The following LINGO2 variants were observed in gnomAD, a reference collection of about 807,000 sequenced individuals.
LINGO2 encodes the protein leucine rich repeat and Ig domain containing 2.
LINGO2 carries 14 observed loss-of-function variants against 30.6 expected under a neutral mutation model. The observed-to-expected ratio is 0.46, with a 90% CI of 0.30 to 0.72. The LOEUF (loss-of-function observed/expected upper bound fraction) is 0.72, where lower values mean the gene tolerates loss of function less well. Ranked by LOEUF, LINGO2 falls within the 30% of genes least tolerant of loss-of-function variation. The pLI is 0.07. For synonymous variants in LINGO2, 317 were observed against 288.5 expected (o/e 1.10, Z -1.00); for missense variants, 729 against 751.7 (o/e 0.97, Z 0.35).
intron 4 of LINGO2, among the ~76,000 whole-genome samples, chr9:28,069,088 T>C (rs149751584): frequency 6.6e-6 from 1 of 152,206 alleles, no homozygotes; most frequent in East Asian, 1.9e-4. Flanking sequence ...TGCTATAGGA[T>C]TTCAAAGGAC....
chr9:28,573,227 A>C lies in LINGO2; in HGVS notation c.-365+96973T>G, dbSNP rs549645272. ...ACATAAGTAAAGAGAAGGTTTCAGC[A>C]ATTATTTAATACACTTATCCGGTTC... On this transcript the variant is annotated intron_variant, in intron 1 of 5. Coordinates refer to ENST00000379992, the Ensembl canonical transcript of LINGO2. Among the ~76,000 whole-genome samples, 23 of 152,300 alleles carry C rather than the reference A, an allele frequency of 1.5e-4. No homozygotes were observed. In the South Asian group the frequency reaches 4.1e-3, roughly 27 times the overall value.
At chr9:28,178,320 C>T (rs566115406) in intron 4 of LINGO2, among the ~76,000 whole-genome samples, 2 of 152,256 alleles carry the variant, frequency 1.3e-5, no homozygotes, top group East Asian at 1.9e-4. Context: ...GAAGAGGAAG[C>T]TTGAAACCGT....
chr9:29,185,485 T>C, the LINGO2 span, among the ~76,000 whole-genome samples: 1 of 152,160 alleles, frequency 6.6e-6, no homozygotes, highest in Admixed American at 6.5e-5. Flanking sequence ...CACAACCCCA[T>C]GGGATAGGAA....
chr9:28,087,757 T>C (rs766206471), intron 4 of LINGO2, among the ~76,000 whole-genome samples: 8 of 152,042 alleles, frequency 5.3e-5, no homozygotes, highest in Non-Finnish European at 1.0e-4. Context: ...GACAATCTTA[T>C]GGGAATTAGC....
In LINGO2 at chr9:28,310,074, C is replaced by T. The variant is rs1406784902; in HGVS notation, c.-245-14708G>A. On this transcript the variant is annotated intron_variant, in intron 3 of 5. Transcript: ENST00000379992. ...CTGGTAGGAGTGTAATATGACACAA[C>T]CATTTTGAAGAGTAGTTTGATGTTC... Among the ~76,000 whole-genome samples, 6 of 152,134 alleles carry T rather than the reference C, an allele frequency of 3.9e-5. No individual in the cohort carries two copies. In the East Asian group the frequency reaches 1.2e-3, roughly 29 times the overall value.
the LINGO2 span, among the ~76,000 whole-genome samples, chr9:29,049,156 G>A: frequency 6.6e-6 from 1 of 152,170 alleles, no homozygotes; most frequent in Admixed American, 6.5e-5. Flanking sequence ...ATAGGCAACA[G>A]ATTTGAATAC....
chr9:28,081,515 G>A (rs148025279), intron 4 of LINGO2, among the ~76,000 whole-genome samples: 1 of 152,108 alleles, frequency 6.6e-6, no homozygotes, highest in Non-Finnish European at 1.5e-5. Context: ...ATTAAAAGAA[G>A]AAAGGTATTT....
At chr9:28,342,407 A>C (rs551683200) in intron 3 of LINGO2, among the ~76,000 whole-genome samples, 4 of 152,108 alleles carry the variant, frequency 2.6e-5, no homozygotes, top group African/African-American at 9.6e-5. Context: ...CCCTATGTCC[A>C]CCCGCAATTA....
chr9:28,277,221 A>T (rs548397781), intron 4 of LINGO2, among the ~76,000 whole-genome samples: 1 of 152,220 alleles, frequency 6.6e-6, no homozygotes, highest in East Asian at 1.9e-4. Context: ...AAATATTTTC[A>T]TTGTTAATAT....
chr9:28,019,736 T>G (rs948824509), intron 4 of LINGO2, among the ~76,000 whole-genome samples: 6 of 152,166 alleles, frequency 3.9e-5, no homozygotes, highest in African/African-American at 1.4e-4. Flanking sequence ...CAATATTTTT[T>G]CTAAAAATAA....
chr9:28,085,044 T>C (rs1303922805), intron 4 of LINGO2, among the ~76,000 whole-genome samples: 1 of 152,122 alleles, frequency 6.6e-6, no homozygotes, highest in African/African-American at 2.4e-5. Context: ...TGTGGACCAA[T>C]GAAGCATTAT....
intron 3 of LINGO2, among the ~76,000 whole-genome samples, chr9:28,308,043 C>T (rs1697442661): frequency 6.7e-6 from 1 of 150,036 alleles, no homozygotes; most frequent in Non-Finnish European, 1.5e-5. Flanking sequence ...CCCCATCAAG[C>T]TACCAATGAC....
At chr9:28,783,535 T>G in the LINGO2 span, among the ~76,000 whole-genome samples, 1 of 152,194 alleles carries the variant, frequency 6.6e-6, no homozygotes, top group South Asian at 2.1e-4. Context: ...CGCTCTTTGC[T>G]TTTAAGCAGA....
chr9:29,204,692 T>G, the LINGO2 span, among the ~76,000 whole-genome samples: 185 of 152,264 alleles, frequency 1.2e-3, 1 homozygote, highest in African/African-American at 4.4e-3. Flanking sequence ...ATTCCAACAT[T>G]TGTTTATCTA....
chr9:28,552,619 C>G (rs1228929890), intron 1 of LINGO2, among the ~76,000 whole-genome samples: 3 of 151,018 alleles, frequency 2.0e-5, no homozygotes, highest in Non-Finnish European at 2.9e-5. Flanking sequence ...AAGCATATGT[C>G]TTTCCATTCT....
intron 2 of LINGO2, among the ~76,000 whole-genome samples, chr9:28,380,520 A>G (rs1458487538): frequency 6.6e-6 from 1 of 151,984 alleles, no homozygotes; most frequent in East Asian, 1.9e-4. Context: ...CAGAAGAGTC[A>G]AGTTCAGTGA....
chr9:28,661,875 G>A (rs1015973206), intron 1 of LINGO2, among the ~76,000 whole-genome samples: 1 of 152,138 alleles, frequency 6.6e-6, no homozygotes, highest in Admixed American at 6.5e-5. Context: ...CAGTATTCAT[G>A]AGAACAAGAG....
chr9:29,181,187 G>A, the LINGO2 span, among the ~76,000 whole-genome samples: 4 of 152,262 alleles, frequency 2.6e-5, no homozygotes, highest in Admixed American at 6.5e-5. Context: ...AATTAGTAGC[G>A]TGACTTTGAA....
chr9:29,079,511 ACT>A, the LINGO2 span, among the ~76,000 whole-genome samples: 1 of 151,912 alleles, frequency 6.6e-6, no homozygotes, highest in Admixed American at 6.6e-5. Context: ...GTATCATGAA[ACT>A]CTGATAGATT....
Sources: gnomAD v4.1 joint callset for allele counts (sites outside exome capture counted in the v4.1 genomes callset) on GRCh38, gnomAD v4.1.1 for gene constraint, MANE v1.5 for transcripts, NCBI Gene and HGNC (gene_info 2026-07-23, HGNC 2026-07-21) for gene names.